The following TRIM47 variants were observed in gnomAD, a reference collection of about 807,000 sequenced individuals.
TRIM47 encodes the protein tripartite motif containing 47.
A neutral mutation model predicts 54.4 loss-of-function variants in TRIM47; 46 were observed. The ratio of observed to expected loss-of-function variants is 0.84; its 90% CI spans 0.67 to 1.08. The LOEUF (loss-of-function observed/expected upper bound fraction) is 1.08, where lower values mean the gene tolerates loss of function less well. Among genes scored for constraint, TRIM47 ranks in the 50% least tolerant of loss-of-function variants. The probability of loss-of-function intolerance (pLI) is 0.00; values close to 1 mark genes in which losing one functional copy is unlikely to be tolerated. For synonymous variants in TRIM47, 392 were observed against 410.2 expected, an observed-to-expected ratio of 0.96 and a Z score of 0.54; for missense variants, 825 against 910.1, an observed-to-expected ratio of 0.91 and a Z score of 1.20.
Position 75,875,706 on chromosome 17 carries a change from A to C in TRIM47, c.1201+195T>G, listed in dbSNP as rs1274622215. On this transcript the variant is annotated intron_variant, in intron 4 of 5. Coordinates refer to ENST00000254816, the MANE Select transcript of TRIM47 (RefSeq NM_033452.3). The surrounding 1 kb of genome is among the most constrained non-coding windows in gnomAD (Gnocchi z 6.1). Reference sequence around the variant, plus strand: ...TGGAGCTAGAGGGTGGGCTAGGAGAAGCCCCCTCTACCCCAGGTCCAAGGG... The same window carrying C: ...TGGAGCTAGAGGGTGGGCTAGGAGACGCCCCCTCTACCCCAGGTCCAAGGG... 32 of 739,792 alleles carry C rather than the reference A, an allele frequency of 4.3e-5. No homozygotes were observed. Among genetic ancestry groups the C allele is most frequent in the Non-Finnish European group, 6.6e-5 (30 of 455,750 alleles). The allele number at this position is 739,792 out of a possible 1,614,324, so 45.8% of individuals were successfully genotyped here. A position where few individuals can be genotyped will look rare whatever the true frequency, so the allele number is the denominator to read the frequency against.
At position 75,877,979 on chromosome 17, in the gene TRIM47, C is replaced by T. The variant is rs922465615; in HGVS notation, c.570G>A (p.Glu190=). ...SLCPRHLRPL[E]RYCRAERVCL... is the part of the protein sequence containing the mutation. The stretch of plus-strand genomic sequence containing the variant: ...ACACGCGCTCCGCGCGGCAGTAGCG[C>T]TCGAGCGGCCGTAGGTGGCGCGGGC... Residue 190 remains glutamate, a synonymous_variant, in exon 1 of 6, where the codon GAG becomes GAA. Transcript: ENST00000254816. 6.1e-6 allele frequency: 9 copies of T among 1,464,404 alleles called. No individual in the cohort carries two copies. The highest frequency in any genetic ancestry group is 8.1e-6 in the Non-Finnish European group (9 of 1,112,372). The allele number at this position is 1,464,404 out of a possible 1,614,324, so 90.7% of individuals were successfully genotyped here. A position where few individuals can be genotyped will look rare whatever the true frequency, so the allele number is the denominator to read the frequency against.
At chr17:75,877,590 C>T (rs1236713815) in intron 1 of TRIM47, 5 of 1,035,002 alleles carry the variant, frequency 4.8e-6, no homozygotes, top group Admixed American at 9.1e-5. Flanking sequence ...GGGCCTAACC[C>T]GGCTCCCTCC....
intron 3 of TRIM47, 28 bp from the exon 4 acceptor site, chr17:75,876,127 G>A: frequency 1.3e-6 from 2 of 1,594,734 alleles, no homozygotes; most frequent in Non-Finnish European, 1.7e-6. Context: ...CCATTAAAGT[G>A]CTGCTGGCCA....
rs1427113051 is a variant in TRIM47 at position 75,875,939 on chromosome 17, C to T, written c.1163G>A (p.Gly388Asp). ...VNQWEQLRGPGGNEDGPQKLD... is the reference protein window; with the variant it reads ...VNQWEQLRGPDGNEDGPQKLD... ...CTTCTGTGGCCCATCCTCGTTGCCA[C>T]CCGGCCCCCTCAGCTGCTCCCACTG... The change falls in exon 4 of 6, where the codon GGT (glycine) becomes GAT (aspartate). Residue 388 changes from glycine to aspartate, a missense_variant. Gly to Asp is a moderately conservative substitution (Grantham distance 94). Coordinates refer to ENST00000254816, the MANE Select transcript of TRIM47 (RefSeq NM_033452.3). The surrounding 1 kb of genome is among the most constrained non-coding windows in gnomAD (Gnocchi z 6.1). 2 of 1,611,828 alleles carry T rather than the reference C, an allele frequency of 1.2e-6. No homozygotes were observed. The highest frequency in any genetic ancestry group is 3.3e-5 in the Admixed American group (2 of 60,024).
rs117794441 is a variant in TRIM47, at chr17:75,876,435, C to G, written c.829G>C (p.Ala277Pro). Residue 277 changes from alanine to proline, a missense_variant, in exon 3 of 6, where the codon GCC (alanine) becomes CCC (proline). Transcript: ENST00000254816. Reference protein sequence around the residue: ...VSRLFADAAAALQGFQTQVLG... With the variant: ...VSRLFADAAAPLQGFQTQVLG... The stretch of plus-strand genomic sequence containing the variant: ...ACCTGGGTCTGGAAGCCCTGCAGGG[C>G]GGCCGCAGCATCTGCAAACAGCCGG... 1 of 1,611,460 alleles carries G rather than the reference C, an allele frequency of 6.2e-7. No individual in the cohort carries two copies. Among genetic ancestry groups the G allele is most frequent in the Non-Finnish European group, 8.5e-7 (1 of 1,179,888 alleles).
At position 75,878,486 on chromosome 17, in the gene TRIM47, C is replaced by A; in HGVS notation, c.63G>T (p.Thr21=). 1 of 1,388,498 alleles carries A rather than the reference C, an allele frequency of 7.2e-7. No homozygotes were observed. The highest frequency in any genetic ancestry group is 9.4e-7 in the Non-Finnish European group (1 of 1,058,268). 86.0% of individuals were successfully genotyped at this position (1,388,498 alleles called of 1,614,324 possible). ...GACAGAAGTTGTGGCCGCAGGGCAGCGTCACCGGCTCCCGGAGTGGCTCTA... is the reference window on the plus strand; with the variant it reads ...GACAGAAGTTGTGGCCGCAGGGCAGAGTCACCGGCTCCCGGAGTGGCTCTA... The part of the protein sequence containing the change: ...ICLEPLREPV[T]LPCGHNFCLA... The change falls in exon 1 of 6, where the codon ACG becomes ACT. Residue 21 remains threonine (T), a synonymous_variant. Coordinates refer to ENST00000254816, the MANE Select transcript of TRIM47 (RefSeq NM_033452.3).
chr17:75,874,269 C>G lies in TRIM47; in HGVS notation c.*214G>C, dbSNP rs558347118. The G allele has an allele frequency of 3.9e-5, 17 of 430,460 alleles. No individual in the cohort carries two copies. In the East Asian group the frequency reaches 5.8e-4, roughly 15 times the overall value. 26.7% of individuals were successfully genotyped at this position (430,460 alleles called of 1,614,324 possible). ...GCTTGGAGCTGTCCCAGCTGTAGCT[C>G]TGTCTCCCAGAAGTGAGGTCTGCAG... On this transcript the variant is annotated 3_prime_UTR_variant, in exon 6 of 6. Transcript: ENST00000254816. The surrounding 1 kb of genome is among the most constrained non-coding windows in gnomAD (Gnocchi z 6.2).
Position 75,875,154 on chromosome 17 carries a change from G to A in TRIM47, c.1277-31C>T, listed in dbSNP as rs758636608. 2.6e-6 allele frequency: 4 copies of A among 1,562,028 alleles called. No individual in the cohort carries two copies. In the South Asian group the frequency reaches 3.6e-5, roughly 14 times the overall value. ...CCCGTGGACAGAAGAGAGAGGCAGG[G>A]CTCAGGGCCAGGCTCAGAGGGCACG... On this transcript the variant is annotated intron_variant, in intron 5 of 5. Transcript: ENST00000254816. This position sits in a 1 kb window ranked among gnomAD's most constrained non-coding sequence, Gnocchi z 6.1.
Position 75,876,471 on chromosome 17 carries a change from C to A in TRIM47, c.793G>T (p.Glu265Ter). The A allele has an allele frequency of 6.2e-7, 1 of 1,608,264 alleles. No individual in the cohort carries two copies. Among genetic ancestry groups the A allele is most frequent in the Non-Finnish European group, 8.5e-7 (1 of 1,179,106 alleles). ...TCTGCAAACAGCCGGCTCACCCTCT[C>A]CCGCTCTGCTACGGCTGCACTCTGC... ...LIKSAAVAER[E>*]RVSRLFADAA... The change falls in exon 3 of 6, where the codon GAG becomes TAG. Residue 265 changes from glutamate to a stop codon, truncating the protein, a stop_gained. Transcript: ENST00000254816. LOFTEE classifies it high-confidence loss of function.
At position 75,875,747 on chromosome 17, in the gene TRIM47, C is replaced by G. The variant is rs190409289; in HGVS notation, c.1201+154G>C. 644 of 920,498 alleles carry G rather than the reference C, an allele frequency of 7.0e-4. 2 individuals carry two copies. The highest frequency in any genetic ancestry group is 9.3e-5 in the Non-Finnish European group (57 of 614,684). 57.0% of individuals were successfully genotyped at this position (920,498 alleles called of 1,614,324 possible). On this transcript the variant is annotated intron_variant, in intron 4 of 5. Coordinates refer to ENST00000254816, the MANE Select transcript of TRIM47 (RefSeq NM_033452.3). This position sits in a 1 kb window ranked among gnomAD's most constrained non-coding sequence, Gnocchi z 6.1. The stretch of plus-strand genomic sequence containing the variant: ...GGTCCAAGGGGCTGATTGATCCCCA[C>G]AGGGTGGCAGCTCTAGTCACTGGCA...
In TRIM47 at chr17:75,875,397, T is replaced by C; in HGVS notation, c.1276+3A>G. 2 of 1,613,834 alleles carry C rather than the reference T, an allele frequency of 1.2e-6. No individual in the cohort carries two copies. The highest frequency in any genetic ancestry group is 1.1e-5 in the South Asian group (1 of 91,064). ...AGTGGAGGGGGCACGGGCGTCCACT[T>C]ACACTTGAGGAAATAGTCCCTGGGA... On this transcript the variant is annotated splice_donor_region_variant and intron_variant, in intron 5 of 5. Transcript: ENST00000254816. This position sits in a 1 kb window ranked among gnomAD's most constrained non-coding sequence, Gnocchi z 6.1.
chr17:75,877,927 C>T lies in TRIM47; in HGVS notation c.622G>A (p.Glu208Lys), dbSNP rs1367221291. Residue 208 changes from glutamate to lysine, a missense_variant, in exon 1 of 6, where the codon GAG (glutamate) becomes AAG (lysine). By Grantham distance (56) the Glu-to-Lys change is moderately conservative (BLOSUM62 1). Coordinates refer to ENST00000254816, the MANE Select transcript of TRIM47 (RefSeq NM_033452.3). ...VCLCEACAAQ[E>K]HRGHELVPLE... ...GGCACCAGCTCGTGGCCGCGGTGCTCCTGTGCGGCGCAGGCCTCGCACAGA... is the reference window on the plus strand; with the variant it reads ...GGCACCAGCTCGTGGCCGCGGTGCTTCTGTGCGGCGCAGGCCTCGCACAGA... The T allele has an allele frequency of 6.9e-7, 1 of 1,440,272 alleles. No individual in the cohort carries two copies. Among genetic ancestry groups the T allele is most frequent in the Non-Finnish European group, 9.1e-7 (1 of 1,101,124 alleles). 89.2% of individuals were successfully genotyped at this position (1,440,272 alleles called of 1,614,324 possible). A position where few individuals can be genotyped will look rare whatever the true frequency, so the allele number is the denominator to read the frequency against.
Position 75,874,897 on chromosome 17 carries a change from G to A in TRIM47, c.1503C>T (p.Asp501=). The change falls in exon 6 of 6, where the codon GAC becomes GAT. Residue 501 remains aspartate, a synonymous_variant. Coordinates refer to ENST00000254816, the MANE Select transcript of TRIM47 (RefSeq NM_033452.3). This position sits in a 1 kb window ranked among gnomAD's most constrained non-coding sequence, Gnocchi z 6.2. ...GWVSMGVMAE[D]FSPQEPYDRG... is the part of the protein sequence containing the mutation. ...GGTCGTAGGGCTCTTGTGGGGAGAA[G>A]TCTTCGGCCATGACCCCCATGCTGA... is the stretch of plus-strand genomic sequence containing the variant. The A allele has an allele frequency of 1.2e-6, 2 of 1,614,164 alleles. No individual in the cohort carries two copies. The highest frequency in any genetic ancestry group is 1.7e-6 in the Non-Finnish European group (2 of 1,180,016).
chr17:75,878,338 G>C lies in TRIM47; in HGVS notation c.211C>G (p.His71Asp), dbSNP rs1428301941. The part of the protein sequence containing the change: ...FPDGLQLRKN[H>D]TLSELLQLRQ... ...AGCTGCAGCAGCTCGGACAGCGTGT[G>C]GTTCTTGCGGAGCTGAAGGCCGTCG... The change falls in exon 1 of 6, where the codon CAC (histidine) becomes GAC (aspartate). Residue 71 changes from histidine (H) to aspartate (D), a missense_variant. His to Asp is a moderately conservative substitution (Grantham distance 81). Transcript: ENST00000254816. 8 of 1,327,606 alleles carry C rather than the reference G, an allele frequency of 6.0e-6. No homozygotes were observed. The highest frequency in any genetic ancestry group is 7.7e-6 in the Non-Finnish European group (8 of 1,033,074). 82.2% of individuals were successfully genotyped at this position (1,327,606 alleles called of 1,614,324 possible).
chr17:75,874,496 A>G lies in TRIM47; in HGVS notation c.1904T>C (p.Leu635Pro), dbSNP rs1483300656. The G allele has an allele frequency of 6.6e-7, 1 of 1,505,842 alleles. No homozygotes were observed. Among genetic ancestry groups the G allele is most frequent in the Non-Finnish European group, 8.9e-7 (1 of 1,127,058 alleles). The allele number at this position is 1,505,842 out of a possible 1,614,324, so 93.3% of individuals were successfully genotyped here. The stretch of plus-strand genomic sequence containing the variant: ...CCGTGCCCGGCATCACCTCCTCTTC[A>G]GCACGGATATGCAGGACTTCTTGAG... ...GPLKKSCISVLKRR is the reference protein window; with the variant it reads ...GPLKKSCISVPKRR Residue 635 changes from leucine (L) to proline (P), a missense_variant, in exon 6 of 6, where the codon CTG becomes CCG. By Grantham distance (98) the Leu-to-Pro change is moderately conservative (BLOSUM62 -3). Coordinates refer to ENST00000254816, the MANE Select transcript of TRIM47 (RefSeq NM_033452.3). The surrounding 1 kb of genome is among the most constrained non-coding windows in gnomAD (Gnocchi z 6.2).
In TRIM47 at chr17:75,876,596, A is replaced by C. The variant is rs2065136721; in HGVS notation, c.772-104T>G. 10 of 1,503,550 alleles carry C rather than the reference A, an allele frequency of 6.7e-6. 1 individual carries two copies. The highest frequency in any genetic ancestry group is 4.1e-5 in the African/African-American group (3 of 72,598). The allele number at this position is 1,503,550 out of a possible 1,614,324, so 93.1% of individuals were successfully genotyped here. On this transcript the variant is annotated intron_variant, in intron 2 of 5. Coordinates refer to ENST00000254816, the MANE Select transcript of TRIM47 (RefSeq NM_033452.3). The stretch of plus-strand genomic sequence containing the variant: ...GCTTCCCACCGGCCCTCTTGAGGGG[A>C]CAGAGGGGCCAGACTGAGCCTGTCC...
rs554195809 is a variant in TRIM47, at chr17:75,876,326, C to A, written c.938G>T (p.Arg313Leu). 2.5e-6 allele frequency: 4 copies of A among 1,611,158 alleles called. No individual in the cohort carries two copies. Among genetic ancestry groups the A allele is most frequent in the African/African-American group, 1.3e-5 (1 of 75,064 alleles). ...GAGATTCTGGCGGGCTCGGCTCAGG[C>A]GGCTGCGCTGTTCCTCCTGTCGCCG... ...DLRRQEEQRS[R>L]LSRARQNLSQ... The change falls in exon 3 of 6, where the codon CGC becomes CTC. Residue 313 changes from arginine to leucine, a missense_variant. By Grantham distance (102) the Arg-to-Leu change is moderately radical (BLOSUM62 -2). Transcript: ENST00000254816.
intron 1 of TRIM47, chr17:75,877,639 C>T: frequency 8.2e-7 from 1 of 1,218,922 alleles, no homozygotes; most frequent in Non-Finnish European, 1.0e-6. Flanking sequence ...GCTTCAGGTC[C>T]CCTGCCCGCT....
Position 75,874,351 on chromosome 17 carries a change from A to G in TRIM47, c.*132T>C. 1.2e-6 allele frequency: 1 copy of G among 833,216 alleles called. No homozygotes were observed. Among genetic ancestry groups the G allele is most frequent in the Non-Finnish European group, 1.8e-6 (1 of 571,272 alleles). The allele number at this position is 833,216 out of a possible 1,614,324, so 51.6% of individuals were successfully genotyped here. ...GAGAGGGAAGGCTGAGTGTATAAAA[A>G]GGTGGAAGCCTCTAGAAATGAGAAG... On this transcript the variant is annotated 3_prime_UTR_variant, in exon 6 of 6. Transcript: ENST00000254816. The surrounding 1 kb of genome is among the most constrained non-coding windows in gnomAD (Gnocchi z 6.2).
Sources: gnomAD v4.1 joint callset for allele counts on GRCh38, gnomAD v4.1.1 for gene constraint, Gnocchi (gnomAD v3.1) non-coding constraint, MANE v1.5 for transcripts, NCBI Gene and HGNC (gene_info 2026-07-23, HGNC 2026-07-21) for gene names.